Variants in NEK7 observed in about 807,000 individuals in gnomAD.
The protein encoded by NEK7 is serine/threonine-protein kinase Nek7.
A neutral mutation model predicts 44.6 loss-of-function variants in NEK7; 18 were observed. The observed-to-expected ratio is 0.40, with a 90% CI of 0.28 to 0.60. The LOEUF (loss-of-function observed/expected upper bound fraction) is 0.60, where lower values mean the gene tolerates loss of function less well. Ranked by LOEUF, NEK7 falls within the 20% of genes least tolerant of loss-of-function variation. The pLI is 0.38. For missense variants in NEK7, 256 were observed against 366.5 expected (o/e 0.70, Z 2.46); for synonymous variants, 130 against 121.1 (o/e 1.07, Z -0.48).
intron 1 of NEK7, among the ~76,000 whole-genome samples, chr1:198,168,150 G>A (rs1558038994): frequency 6.6e-6 from 1 of 152,134 alleles, no homozygotes; most frequent in Non-Finnish European, 1.5e-5. Context: ...TCAAGTCCAG[G>A]TGTATTTTTT....
intron 1 of NEK7, among the ~76,000 whole-genome samples, chr1:198,188,818 C>T (rs1664989163): frequency 6.6e-6 from 1 of 152,122 alleles, no homozygotes; most frequent in Non-Finnish European, 1.5e-5. Context: ...GTCGCGAAGT[C>T]ATCCTACTTG....
chr1:198,193,183 T>C (rs2102771377), intron 1 of NEK7, among the ~76,000 whole-genome samples: 1 of 152,142 alleles, frequency 6.6e-6, no homozygotes, highest in African/African-American at 2.4e-5. Context: ...TAAACACCTC[T>C]ATGCACATAA....
At chr1:198,243,599 T>C (rs1331394880) in intron 2 of NEK7, among the ~76,000 whole-genome samples, 2 of 152,216 alleles carry the variant, frequency 1.3e-5, no homozygotes, top group Non-Finnish European at 1.5e-5. Context: ...GCTGGTAATT[T>C]AACTAATGAT....
intron 9 of NEK7, among the ~76,000 whole-genome samples, chr1:198,308,847 C>G (rs970638498): frequency 4.6e-5 from 7 of 152,138 alleles, no homozygotes; most frequent in Non-Finnish European, 1.0e-4. Context: ...CTCTCCCCCC[C>G]TTTTATATAT....
At chr1:198,233,735 C>A (rs114901270) in intron 2 of NEK7, among the ~76,000 whole-genome samples, 2 of 136,862 alleles carry the variant, frequency 1.5e-5, no homozygotes, top group African/African-American at 2.7e-5. Context: ...ACTTATTTGT[C>A]TATGGGATCC....
intron 5 of NEK7, among the ~76,000 whole-genome samples, chr1:198,265,682 C>T (rs1260543775): frequency 6.6e-6 from 1 of 152,074 alleles, no homozygotes; most frequent in Non-Finnish European, 1.5e-5. Context: ...CCTAGATTGT[C>T]ACTAGAGGTA....
At chr1:198,287,679 T>C (rs1394256397) in intron 7 of NEK7, among the ~76,000 whole-genome samples, 1 of 152,162 alleles carries the variant, frequency 6.6e-6, no homozygotes, top group African/African-American at 2.4e-5. Context: ...GTGAGTTTAC[T>C]TGTATGTGCT....
At chr1:198,269,829 T>A (rs1294507278) in intron 5 of NEK7, among the ~76,000 whole-genome samples, 1 of 152,078 alleles carries the variant, frequency 6.6e-6, no homozygotes, top group Non-Finnish European at 1.5e-5. Flanking sequence ...CCTGAGGCTG[T>A]GGTCAGATGA....
intron 5 of NEK7, among the ~76,000 whole-genome samples, chr1:198,268,383 C>CT (rs1278714230): frequency 2.0e-5 from 3 of 151,634 alleles, no homozygotes; most frequent in Non-Finnish European, 2.9e-5. Flanking sequence ...GAAACCAGGA[C>CT]TTTTTTTTGA....
intron 1 of NEK7, among the ~76,000 whole-genome samples, chr1:198,231,297 G>GTATATATATATATATATA (rs1236094292): frequency 1.6e-4 from 14 of 90,160 alleles, no homozygotes; most frequent in East Asian, 5.5e-4. Context: ...GTGTATGTGT[G>GTATATATATATATATATA]TGTGTATATA....
intron 1 of NEK7, among the ~76,000 whole-genome samples, chr1:198,206,385 C>T (rs992471901): frequency 3.3e-5 from 5 of 152,020 alleles, no homozygotes; most frequent in Admixed American, 1.3e-4. Flanking sequence ...GTTTTATGTG[C>T]TAGAAGCCTT....
At chr1:198,171,888 C>G (rs1664456163) in intron 1 of NEK7, among the ~76,000 whole-genome samples, 1 of 152,140 alleles carries the variant, frequency 6.6e-6, no homozygotes, top group African/African-American at 2.4e-5. Context: ...CTGCCTGACC[C>G]TGACAGCTTG....
At chr1:198,281,561 T>C (rs183140855) in intron 7 of NEK7, among the ~76,000 whole-genome samples, 30 of 152,196 alleles carry the variant, frequency 2.0e-4, no homozygotes, top group Admixed American at 2.0e-3. Context: ...GAGCCAAATT[T>C]CTTTTAACTT....
intron 7 of NEK7, 139 bp downstream of exon 7, chr1:198,279,200 C>A: frequency 2.1e-6 from 1 of 480,608 alleles, no homozygotes; most frequent in South Asian, 3.2e-5. Flanking sequence ...CAGATGCCTG[C>A]AACTCTCTAT....
At chr1:198,167,890 C>A (rs923190259) in intron 1 of NEK7, among the ~76,000 whole-genome samples, 1 of 152,198 alleles carries the variant, frequency 6.6e-6, no homozygotes, top group African/African-American at 2.4e-5. Context: ...TAACAAGTGA[C>A]AGGCACTTGA....
intron 1 of NEK7, among the ~76,000 whole-genome samples, chr1:198,227,259 A>G (rs895316332): frequency 6.6e-6 from 1 of 152,130 alleles, no homozygotes; most frequent in African/African-American, 2.4e-5. Context: ...TTCTTAATCC[A>G]GTCTATCATT....
chr1:198,298,480 A>G (rs751388285), intron 9 of NEK7, among the ~76,000 whole-genome samples: 9 of 152,314 alleles, frequency 5.9e-5, no homozygotes, highest in Non-Finnish European at 8.8e-5. Flanking sequence ...AAACTGTTAC[A>G]GAGCAGTGAT....
At chr1:198,241,245 C>T (rs1258151784) in intron 2 of NEK7, among the ~76,000 whole-genome samples, 21 of 152,194 alleles carry the variant, frequency 1.4e-4, no homozygotes, top group Admixed American at 1.4e-3. Context: ...ACGATCTTGT[C>T]ATATGATTCT....
chr1:198,249,933 T>C (rs958824548), intron 2 of NEK7, among the ~76,000 whole-genome samples: 26 of 147,598 alleles, frequency 1.8e-4, no homozygotes, highest in Non-Finnish European at 3.0e-4. Flanking sequence ...CTTTTGGTGT[T>C]TTAGACATGA....
Sources: gnomAD v4.1 joint callset for allele counts (sites outside exome capture counted in the v4.1 genomes callset) on GRCh38, gnomAD v4.1.1 for gene constraint, MANE v1.5 for transcripts, NCBI Gene and HGNC (gene_info 2026-07-23, HGNC 2026-07-21) for gene names.